Variants in FMN1 observed in about 807,000 individuals in gnomAD.
The protein encoded by FMN1 is formin 1.
A neutral mutation model predicts 132.4 loss-of-function variants in FMN1; 110 were observed. The ratio of observed to expected loss-of-function variants is 0.83; its 90% confidence interval spans 0.71 to 0.97. The LOEUF is 0.97. FMN1 is among the 50% of genes least tolerant of loss of function. The pLI, the probability that FMN1 is intolerant of heterozygous loss-of-function variation, is 0.00. For synonymous variants in FMN1, 722 were observed against 651.7 expected (o/e 1.11, Z -1.64); for missense variants, 1,792 against 1,705.3 (o/e 1.05, Z -0.90).
At chr15:32,856,227 C>CA (rs1441522438) in intron 17 of FMN1, among the ~76,000 whole-genome samples, 8 of 152,202 alleles carry the variant, frequency 5.3e-5, no homozygotes, top group Non-Finnish European at 2.9e-5. Flanking sequence ...AGATATCCCC[C>CA]AAAGGCTCCT....
intron 3 of FMN1, among the ~76,000 whole-genome samples, chr15:33,175,261 GT>G (rs1009216327): frequency 1.3e-5 from 2 of 152,092 alleles, no homozygotes; most frequent in Non-Finnish European, 2.9e-5. Context: ...TACAGCCAGG[GT>G]TTTGCCATGT....
chr15:32,931,934 A>T (rs1280277517), intron 9 of FMN1, among the ~76,000 whole-genome samples: 1 of 152,190 alleles, frequency 6.6e-6, no homozygotes, highest in East Asian at 1.9e-4. Flanking sequence ...ATCAGAAAAC[A>T]GTGTTGAGTT....
At chr15:32,808,851 T>C (rs146926901) in intron 17 of FMN1, among the ~76,000 whole-genome samples, 10 of 152,240 alleles carry the variant, frequency 6.6e-5, no homozygotes, top group Non-Finnish European at 1.2e-4. Context: ...CATAACTGCT[T>C]TCAGTAGACA....
At position 33,154,482 on chromosome 15, in the gene FMN1, C is replaced by T. The variant is rs550520649; in HGVS notation, c.433G>A (p.Val145Met). The T allele has an allele frequency of 9.8e-6, 15 of 1,535,922 alleles. No homozygotes were observed. The Admixed American group carries it at 1.8e-4, about 18-fold the overall frequency. ...GTGCTCCTCTTATTGAGAGGGCCCA[C>T]GGGGAGCTCTCCCTGCCAGTCACCA... ...SAGDWQGELP[V>M]GPLNKRSTHG... The change falls in exon 4 of 21, where the codon GTG (valine) becomes ATG (methionine). Residue 145 changes from valine (V) to methionine (M), a missense_variant. By Grantham distance (21) the Val-to-Met change is conservative. Coordinates refer to ENST00000616417, the MANE Select transcript of FMN1 (RefSeq NM_001277313.2).
chr15:32,998,825 C>T (rs8038657), intron 7 of FMN1, among the ~76,000 whole-genome samples: 146 of 152,268 alleles, frequency 9.6e-4, no homozygotes, highest in African/African-American at 3.2e-3. Context: ...ATCATTGGCC[C>T]CCATGATACA....
chr15:32,936,252 G>T (rs1320938535), intron 9 of FMN1, among the ~76,000 whole-genome samples: 1 of 152,000 alleles, frequency 6.6e-6, no homozygotes, highest in Non-Finnish European at 1.5e-5. Context: ...TCCACTGGTT[G>T]GTCCATGCTC....
chr15:32,958,614 T>C (rs1048351772), intron 9 of FMN1, among the ~76,000 whole-genome samples: 2 of 152,188 alleles, frequency 1.3e-5, no homozygotes, highest in Non-Finnish European at 2.9e-5. Context: ...GCCAGTGATA[T>C]GAAATTTAAA....
intron 8 of FMN1, among the ~76,000 whole-genome samples, chr15:32,965,721 C>T (rs995174117): frequency 6.6e-5 from 10 of 152,142 alleles, no homozygotes; most frequent in African/African-American, 2.4e-4. Context: ...TTCACCTCTT[C>T]TCTCCTCTAC....
chr15:32,783,494 C>A (rs1456080713), intron 19 of FMN1, among the ~76,000 whole-genome samples: 1 of 152,038 alleles, frequency 6.6e-6, no homozygotes, highest in Non-Finnish European at 1.5e-5. Context: ...CGCCTGTAAT[C>A]CCAGCACTTT....
In FMN1 at chr15:33,155,030, C is replaced by G; in HGVS notation, c.-116G>C. Reference sequence around the variant, plus strand: ...CAGAGAAAGCAGCTGACAGTCATCTCCAGCAATGAGACTGCCTGTTAGAGG... The same window carrying G: ...CAGAGAAAGCAGCTGACAGTCATCTGCAGCAATGAGACTGCCTGTTAGAGG... On this transcript the variant is annotated 5_prime_UTR_variant, in exon 4 of 21. Coordinates refer to ENST00000616417, the MANE Select transcript of FMN1 (RefSeq NM_001277313.2). 1 of 771,058 alleles carries G rather than the reference C, an allele frequency of 1.3e-6. No homozygotes were observed. The highest frequency in any genetic ancestry group is 1.9e-5 in the South Asian group (1 of 53,002). The allele number at this position is 771,058 out of a possible 1,614,324, so 47.8% of individuals were successfully genotyped here.
intron 6 of FMN1, among the ~76,000 whole-genome samples, chr15:33,055,736 A>G (rs1040838477): frequency 6.6e-6 from 1 of 152,182 alleles, no homozygotes; most frequent in Non-Finnish European, 1.5e-5. Context: ...GAAAAATAAG[A>G]AGGCTCAAAA....
At position 32,900,040 on chromosome 15, in the gene FMN1, C is replaced by CG. The variant is rs2060257614; in HGVS notation, c.3592dup (p.Arg1198ProfsTer8). 2 of 1,613,780 alleles carry CG rather than the reference C, an allele frequency of 1.2e-6. No homozygotes were observed. The highest frequency in any genetic ancestry group is 1.7e-6 in the Non-Finnish European group (2 of 1,179,850). Reference sequence around the variant, plus strand: ...TAAGCTATATCCATCGGCTTGTCCCCGAGTCCTATTTCCTCCATTCATATA... The same window carrying CG: ...TAAGCTATATCCATCGGCTTGTCCCCGGAGTCCTATTTCCTCCATTCATATA... On this transcript the variant is annotated frameshift_variant, in exon 14 of 21. Coordinates refer to ENST00000616417, the MANE Select transcript of FMN1 (RefSeq NM_001277313.2). LOFTEE classifies it high-confidence loss of function.
chr15:32,919,465 A>AT (rs2060767419), intron 10 of FMN1, among the ~76,000 whole-genome samples: 1 of 152,234 alleles, frequency 6.6e-6, no homozygotes, highest in South Asian at 2.1e-4. Flanking sequence ...AATGAGACTC[A>AT]TTGTAATCGC....
Position 32,857,084 on chromosome 15 carries a change from C to A in FMN1, c.3859G>T (p.Val1287Leu). Residue 1287 changes from valine to leucine, a missense_variant, in exon 17 of 21, where the codon GTG becomes TTG. By Grantham distance (32) the Val-to-Leu change is conservative (BLOSUM62 1). Coordinates refer to ENST00000616417, the MANE Select transcript of FMN1 (RefSeq NM_001277313.2). ...TACTCCTTTGGGGACTCCTTGCACA[C>A]CACCACCATCTGTTTCTCACTTGCT... Reference protein sequence around the residue: ...LEASEKQMVVVCKESPKEYLQ... With the variant: ...LEASEKQMVVLCKESPKEYLQ... 1 of 1,612,954 alleles carries A rather than the reference C, an allele frequency of 6.2e-7. No individual in the cohort carries two copies. Among genetic ancestry groups the A allele is most frequent in the South Asian group, 1.1e-5 (1 of 91,060 alleles).
At chr15:32,989,632 C>T (rs937416807) in intron 7 of FMN1, among the ~76,000 whole-genome samples, 4 of 152,088 alleles carry the variant, frequency 2.6e-5, no homozygotes, top group Non-Finnish European at 5.9e-5. Flanking sequence ...TTGAACTTAA[C>T]TTGACAGACA....
intron 4 of FMN1, among the ~76,000 whole-genome samples, chr15:33,112,400 A>C (rs2039743878): frequency 6.6e-6 from 1 of 152,144 alleles, no homozygotes; most frequent in South Asian, 2.1e-4. Flanking sequence ...GTTGTTCTGT[A>C]CTAGTTTTCT....
At chr15:32,982,716 G>GA (rs1469027325) in intron 7 of FMN1, among the ~76,000 whole-genome samples, 1 of 152,056 alleles carries the variant, frequency 6.6e-6, no homozygotes, top group Non-Finnish European at 1.5e-5. Flanking sequence ...CCACTACTAA[G>GA]AAAAAATTCC....
chr15:32,948,959 GA>G (rs1361378905), intron 9 of FMN1, among the ~76,000 whole-genome samples: 10 of 151,470 alleles, frequency 6.6e-5, no homozygotes, highest in Admixed American at 1.3e-4. Context: ...TAATTTCTTT[GA>G]TTTTTTTGTA....
rs117522614 is a variant in FMN1 at position 32,911,406 on chromosome 15, G to A, written c.3227-871C>T. Among the ~76,000 whole-genome samples the A allele has an allele frequency of 5.1e-4, 77 of 152,170 alleles. 2 individuals are homozygous for A. In the East Asian group the frequency reaches 0.014, roughly 28 times the overall value. ...ACCAGCACGCTAGTAAATTTTCTCC[G>A]TGGCAGGCTAATTAATTTTATTAAA... On this transcript the variant is annotated intron_variant, in intron 10 of 20. Coordinates refer to ENST00000616417, the MANE Select transcript of FMN1 (RefSeq NM_001277313.2).
Sources: allele counts gnomAD v4.1 joint callset (sites outside exome capture counted in the v4.1 genomes callset), GRCh38; gene constraint gnomAD v4.1.1; transcripts MANE v1.5; gene names NCBI Gene and HGNC (gene_info 2026-07-23, HGNC 2026-07-21).